The following AMBRA1 variants were observed in gnomAD, a reference collection of about 807,000 sequenced individuals.
AMBRA1 encodes the protein autophagy and beclin 1 regulator 1.
Under a neutral mutation model 125.4 loss-of-function variants are expected in AMBRA1, and 47 were observed. The observed-to-expected ratio is 0.37, with a 90% confidence interval of 0.30 to 0.48. AMBRA1 has a LOEUF of 0.48. Ranked by LOEUF, AMBRA1 falls within the 20% of genes least tolerant of loss-of-function variation. The pLI is 0.99. For synonymous variants in AMBRA1, 626 were observed against 655.5 expected (o/e 0.95, Z 0.69); for missense variants, 1,331 against 1,693.4 (o/e 0.79, Z 3.76).
intron 17 of AMBRA1, among the ~76,000 whole-genome samples, chr11:46,402,897 T>G (rs1945834062): frequency 1.3e-5 from 2 of 152,160 alleles, no homozygotes; most frequent in African/African-American, 4.8e-5. Context: ...TATGCTTCCC[T>G]CCTGGGAACT....
intron 7 of AMBRA1, among the ~76,000 whole-genome samples, chr11:46,532,919 A>C (rs904888282): frequency 6.6e-6 from 1 of 152,222 alleles, no homozygotes; most frequent in African/African-American, 2.4e-5. Flanking sequence ...ATCTTCTAAA[A>C]ACACTTAAGT....
intron 11 of AMBRA1, among the ~76,000 whole-genome samples, chr11:46,470,780 C>T (rs1227407659): frequency 1.3e-5 from 2 of 151,772 alleles, no homozygotes; most frequent in Non-Finnish European, 2.9e-5. Context: ...AAATAAAAAG[C>T]TCCCATTCTA....
chr11:46,543,867 A>G (rs1952871213), intron 6 of AMBRA1, 108 bp downstream of exon 6: 7 of 915,130 alleles, frequency 7.6e-6, no homozygotes, highest in East Asian at 4.8e-5. Flanking sequence ...GACTGGAAAG[A>G]TAAGACTTGG....
At position 46,397,692 on chromosome 11, in the gene AMBRA1, C is replaced by T. The variant is rs377430582; in HGVS notation, c.3655G>A (p.Gly1219Arg). ...CTTAGGCCTCGCTCTGCCAGTTGCCCGGCCTCTGGGAGCAGTCCCCGAGAG... is the reference window on the plus strand; with the variant it reads ...CTTAGGCCTCGCTCTGCCAGTTGCCTGGCCTCTGGGAGCAGTCCCCGAGAG... ...STSRGLLPEA[G>R]QLAERGLSPR... Residue 1219 changes from glycine to arginine, a missense_variant, in exon 18 of 18, where the codon GGG (glycine) becomes AGG (arginine). Gly to Arg is a moderately radical substitution (Grantham distance 125). Around this residue, in one of 4 missense-constraint regions of AMBRA1, gnomAD observed 144 missense variants for 133.9 expected, o/e 1.08. Transcript: ENST00000683756. 32 of 1,612,682 alleles carry T rather than the reference C, an allele frequency of 2.0e-5. No individual in the cohort carries two copies. The highest frequency in any genetic ancestry group is 2.2e-5 in the South Asian group (2 of 91,014).
At chr11:46,532,044 G>A (rs997312212) in intron 7 of AMBRA1, among the ~76,000 whole-genome samples, 1 of 151,764 alleles carries the variant, frequency 6.6e-6, no homozygotes, top group Non-Finnish European at 1.5e-5. Flanking sequence ...ACTTGAACCT[G>A]GGAGGCGGAA....
chr11:46,578,084 T>C (rs190919930), intron 1 of AMBRA1, among the ~76,000 whole-genome samples: 2 of 152,166 alleles, frequency 1.3e-5, no homozygotes, highest in East Asian at 1.9e-4. Flanking sequence ...ATCACCACTG[T>C]AGTCTAGCCT....
chr11:46,591,941 A>ATTTTTT (rs1167665024), intron 1 of AMBRA1, among the ~76,000 whole-genome samples: 1 of 115,134 alleles, frequency 8.7e-6, no homozygotes, highest in African/African-American at 3.7e-5. Flanking sequence ...CTCAAGACTG[A>ATTTTTT]TTTTTTTTTT....
intron 11 of AMBRA1, among the ~76,000 whole-genome samples, chr11:46,456,695 C>G (rs965314918): frequency 1.3e-5 from 2 of 152,140 alleles, no homozygotes; most frequent in African/African-American, 4.8e-5. Context: ...GTCTTTGGCT[C>G]GTCAGCAGCA....
intron 9 of AMBRA1, among the ~76,000 whole-genome samples, chr11:46,505,757 G>A (rs1238598780): frequency 6.6e-6 from 1 of 152,016 alleles, no homozygotes; most frequent in Non-Finnish European, 1.5e-5. Context: ...GGGGAAGGAA[G>A]GGGAGAGAGA....
intron 11 of AMBRA1, among the ~76,000 whole-genome samples, chr11:46,482,881 C>T (rs562159273): frequency 2.0e-4 from 31 of 151,994 alleles, no homozygotes; most frequent in African/African-American, 4.8e-4. Context: ...TGGTGGCATG[C>T]GCCTGTAGTT....
chr11:46,512,671 C>A, intron 8 of AMBRA1, 56 bp downstream of exon 8: 1 of 1,479,418 alleles, frequency 6.8e-7, no homozygotes, highest in Non-Finnish European at 9.4e-7. Flanking sequence ...AACAGTGTGG[C>A]AACCCCAAGG....
chr11:46,575,388 T>A (rs752729161), intron 1 of AMBRA1, among the ~76,000 whole-genome samples: 1 of 148,660 alleles, frequency 6.7e-6, no homozygotes, highest in African/African-American at 2.5e-5. Context: ...ACCCGGAAGG[T>A]GGAGGTTGTG....
intron 7 of AMBRA1, among the ~76,000 whole-genome samples, chr11:46,513,991 G>A (rs1463784588): frequency 2.0e-5 from 3 of 151,312 alleles, no homozygotes; most frequent in Non-Finnish European, 4.4e-5. Context: ...CAACTCACAT[G>A]TGCCTTGGCA....
chr11:46,454,159 A>G (rs1486061759), intron 11 of AMBRA1, among the ~76,000 whole-genome samples: 1 of 152,112 alleles, frequency 6.6e-6, no homozygotes, highest in Non-Finnish European at 1.5e-5. Context: ...AATACAGTGT[A>G]TGAGGAAAGG....
chr11:46,504,923 C>T (rs981776385), intron 9 of AMBRA1, among the ~76,000 whole-genome samples: 4 of 152,210 alleles, frequency 2.6e-5, no homozygotes, highest in Admixed American at 2.6e-4. Flanking sequence ...AAGATGGGCT[C>T]TGAGTAATGG....
chr11:46,414,582 C>G (rs192806354), intron 15 of AMBRA1, among the ~76,000 whole-genome samples: 1 of 152,288 alleles, frequency 6.6e-6, no homozygotes, highest in Admixed American at 6.5e-5. Flanking sequence ...GTTTATGAGG[C>G]CGGAAGTAAG....
intron 14 of AMBRA1, among the ~76,000 whole-genome samples, chr11:46,423,866 C>T (rs142999403): frequency 6.7e-6 from 1 of 148,540 alleles, no homozygotes; most frequent in Non-Finnish European, 1.5e-5. Context: ...TGGGTTCAAG[C>T]GATTCTCCTG....
chr11:46,551,535 G>C (rs1486589748), intron 1 of AMBRA1, among the ~76,000 whole-genome samples: 1 of 151,904 alleles, frequency 6.6e-6, no homozygotes, highest in African/African-American at 2.4e-5. Context: ...TTTAGTTTTT[G>C]AAAAAGGTAA....
rs1019878291 is a variant in AMBRA1 at position 46,397,858 on chromosome 11, C to T, written c.3489G>A (p.Val1163=). The T allele has an allele frequency of 1.9e-6, 3 of 1,601,046 alleles. No homozygotes were observed. The highest frequency in any genetic ancestry group is 1.6e-4 in the Middle Eastern group (1 of 6,062). ...TGGTGGTGCTCTGCTCCCGCTGCACCACGGCTGTCATGCCGCCCTCCGCCA... is the reference window on the plus strand; with the variant it reads ...TGGTGGTGCTCTGCTCCCGCTGCACTACGGCTGTCATGCCGCCCTCCGCCA... ...RLMAEGGMTA[V]VQREQSTTMA... The change falls in exon 18 of 18, where the codon GTG becomes GTA. Residue 1163 remains valine, a synonymous_variant. Transcript: ENST00000683756.
Sources: gnomAD v4.1 joint callset for allele counts (sites outside exome capture counted in the v4.1 genomes callset) on GRCh38, gnomAD v4.1.1 for gene constraint, gnomAD v4.1.1 regional missense constraint, MANE v1.5 for transcripts, NCBI Gene and HGNC (gene_info 2026-07-23, HGNC 2026-07-21) for gene names.